The following PCDHGA7 variants were observed in gnomAD, a reference collection of about 807,000 sequenced individuals.
PCDHGA7 encodes the protein protocadherin gamma subfamily A, 7.
A neutral mutation model predicts 58.3 loss-of-function variants in PCDHGA7; 44 were observed. That is an observed-to-expected ratio of 0.75 (90% confidence interval 0.59 to 0.97). The LOEUF (loss-of-function observed/expected upper bound fraction) is 0.97. PCDHGA7 is among the 50% of genes least tolerant of loss of function. The pLI is 0.00. For missense variants in PCDHGA7, 1,266 were observed against 1,188.7 expected (o/e 1.06, Z -0.96); for synonymous variants, 516 against 504.2 (o/e 1.02, Z -0.31).
rs753936459 is a variant in PCDHGA7 at position 141,501,288 on chromosome 5, TATAC to T, written c.2484-4103_2484-4100del. Among the ~76,000 whole-genome samples the T allele has an allele frequency of 4.5e-4, 37 of 81,322 alleles. No homozygotes were observed. The South Asian group carries it at 5.1e-3, about 11-fold the overall frequency. 53.4% of individuals were successfully genotyped at this position (81,322 alleles called of 152,430 possible). A position where few individuals can be genotyped will look rare whatever the true frequency, so the allele number is the denominator to read the frequency against. ...TAGTCCAGTCTATGGGATATTCCCT[TATAC>T]ACACACACACACACACACACACACA... On this transcript the variant is annotated intron_variant, in intron 2 of 3. Coordinates refer to ENST00000518325, the MANE Select transcript of PCDHGA7 (RefSeq NM_018920.4).
intron 1 of PCDHGA7, among the ~76,000 whole-genome samples, chr5:141,481,913 CAAAAAAA>C (rs34114744): frequency 2.2e-5 from 2 of 90,812 alleles, no homozygotes; most frequent in Admixed American, 1.2e-4. Context: ...AACTCCATCT[CAAAAAAA>C]AAAAAAAAAA....
intron 1 of PCDHGA7, chr5:141,402,790 A>G: frequency 1.0e-6 from 1 of 961,364 alleles, no homozygotes; most frequent in Non-Finnish European, 1.5e-6. Flanking sequence ...TTCTGCGGCT[A>G]CACAAAACCC....
chr5:141,389,718 C>G, intron 1 of PCDHGA7: 5 of 1,612,622 alleles, frequency 3.1e-6, no homozygotes, highest in Non-Finnish European at 4.2e-6. Flanking sequence ...GGCTAGCGAG[C>G]CCGGGCTCTT....
At chr5:141,419,187 C>G (rs1179461161) in intron 1 of PCDHGA7, 4 of 1,614,024 alleles carry the variant, frequency 2.5e-6, no homozygotes, top group Non-Finnish European at 2.5e-6. Context: ...CTGCACATTA[C>G]TGACGTCAAT....
Position 141,399,437 on chromosome 5 carries a change from A to T in PCDHGA7, c.2424+14114A>T, listed in dbSNP as rs780100815. The stretch of plus-strand genomic sequence containing the variant: ...TCCTCCAGCATAAGCGTCATCCTAC[A>T]TATCAGAGACGTCAACGATAACGCT... On this transcript the variant is annotated intron_variant, in intron 1 of 3. Coordinates refer to ENST00000518325, the MANE Select transcript of PCDHGA7 (RefSeq NM_018920.4). 22 of 1,613,998 alleles carry T rather than the reference A, an allele frequency of 1.4e-5. No individual in the cohort carries two copies. The South Asian group carries it at 2.2e-4, about 16-fold the overall frequency.
At chr5:141,407,415 A>C (rs1561707597) in intron 1 of PCDHGA7, among the ~76,000 whole-genome samples, 1 of 152,228 alleles carries the variant, frequency 6.6e-6, no homozygotes, top group Non-Finnish European at 1.5e-5. Flanking sequence ...TCGATACCAC[A>C]AAAATGTCTC....
At chr5:141,509,071 G>T (rs1209992467) in intron 3 of PCDHGA7, among the ~76,000 whole-genome samples, 1 of 152,176 alleles carries the variant, frequency 6.6e-6, no homozygotes, top group Admixed American at 6.5e-5. Flanking sequence ...CAGCTCCGGG[G>T]ATTTGCGACA....
rs765318875 is a variant in PCDHGA7 at position 141,489,896 on chromosome 5, C to A, written c.2425-4911C>A. On this transcript the variant is annotated intron_variant, in intron 1 of 3. Coordinates refer to ENST00000518325, the MANE Select transcript of PCDHGA7 (RefSeq NM_018920.4). This position sits in a 1 kb window ranked among gnomAD's most constrained non-coding sequence, Gnocchi z 4.5. ...GTGCTTACTGCTGTGGATGGGGGGA[C>A]CCCAGCCCGCTCAGGGACCACCCTT... 5 of 1,614,062 alleles carry A rather than the reference C, an allele frequency of 3.1e-6. No homozygotes were observed.
chr5:141,394,536 G>C (rs2093028301), intron 1 of PCDHGA7: 2 of 1,614,070 alleles, frequency 1.2e-6, no homozygotes. Flanking sequence ...TTCCACTGGC[G>C]TGGAGCTGGC....
chr5:141,428,090 G>A (rs1415146154), intron 1 of PCDHGA7: 1 of 1,608,870 alleles, frequency 6.2e-7, no homozygotes, highest in Non-Finnish European at 8.5e-7. Flanking sequence ...ACGCTTGGCT[G>A]TCCTACCACG....
At chr5:141,496,869 A>G (rs2099772006) in intron 2 of PCDHGA7, among the ~76,000 whole-genome samples, 1 of 150,116 alleles carries the variant, frequency 6.7e-6, no homozygotes, top group African/African-American at 2.5e-5. Context: ...GAGACTGAAA[A>G]TTTGCAACAA....
At chr5:141,500,546 G>A (rs1428503967) in intron 2 of PCDHGA7, among the ~76,000 whole-genome samples, 1 of 152,126 alleles carries the variant, frequency 6.6e-6, no homozygotes, top group African/African-American at 2.4e-5. Context: ...ACCTAAATAA[G>A]TTGTTCACAA....
chr5:141,403,217 A>G (rs763517467), intron 1 of PCDHGA7: 10 of 1,613,810 alleles, frequency 6.2e-6, no homozygotes, highest in East Asian at 2.2e-5. Context: ...CACCGCGGGT[A>G]GGATAGACCG....
intron 1 of PCDHGA7, chr5:141,478,834 A>G: frequency 7.0e-7 from 1 of 1,427,896 alleles, no homozygotes; most frequent in Non-Finnish European, 9.2e-7. Context: ...TTGCTAAGGG[A>G]TGGTTAAGCT....
chr5:141,398,910 G>T, intron 1 of PCDHGA7: 1 of 1,613,972 alleles, frequency 6.2e-7, no homozygotes, highest in Non-Finnish European at 8.5e-7. Flanking sequence ...GCACCACTGT[G>T]TTGCAAGTGT....
At chr5:141,419,991 T>C (rs1192003266) in intron 1 of PCDHGA7, 1 of 1,614,078 alleles carries the variant, frequency 6.2e-7, no homozygotes. Context: ...ATTCTAGCTA[T>C]TGCTCTACGC....
chr5:141,388,430 TAAAG>T (rs2091357990), intron 1 of PCDHGA7: 1 of 1,613,634 alleles, frequency 6.2e-7, no homozygotes, highest in South Asian at 1.1e-5. Context: ...CACTGATAAA[TAAAG>T]AGAAATCAGA....
chr5:141,455,109 G>A (rs2098813382), intron 1 of PCDHGA7, among the ~76,000 whole-genome samples: 1 of 151,932 alleles, frequency 6.6e-6, no homozygotes, highest in South Asian at 2.1e-4. Context: ...ACTGCGCCCG[G>A]TGGGTCTAAT....
At chr5:141,417,710 T>A in intron 1 of PCDHGA7, 2 of 1,249,348 alleles carry the variant, frequency 1.6e-6, no homozygotes, top group Admixed American at 5.9e-5. Context: ...ACACAGAGGC[T>A]CCCGGCTGCG....
Sources: gnomAD v4.1 joint callset for allele counts (sites outside exome capture counted in the v4.1 genomes callset) on GRCh38, gnomAD v4.1.1 for gene constraint, Gnocchi (gnomAD v3.1) non-coding constraint, MANE v1.5 for transcripts, NCBI Gene and HGNC (gene_info 2026-07-23, HGNC 2026-07-21) for gene names.